Variants in PLEKHM3 observed in about 807,000 individuals in gnomAD.
The protein encoded by PLEKHM3 is pleckstrin homology domain containing M3.
In PLEKHM3, 45 loss-of-function variants were observed where a neutral mutation model predicts 81.8. That is an observed-to-expected ratio of 0.55 (90% CI 0.43 to 0.71). The LOEUF (loss-of-function observed/expected upper bound fraction) is 0.71, where lower values mean the gene tolerates loss of function less well. PLEKHM3 is among the 30% of genes least tolerant of loss of function. The pLI is 0.00. For missense variants in PLEKHM3, 788 were observed against 924.3 expected (o/e 0.85, Z 1.91); for synonymous variants, 352 against 356.4 (o/e 0.99, Z 0.14).
intron 6 of PLEKHM3, among the ~76,000 whole-genome samples, chr2:207,904,012 A>T (rs1398718166): frequency 2.6e-5 from 4 of 152,208 alleles, no homozygotes; most frequent in Admixed American, 2.0e-4. Flanking sequence ...CTAACCAAGG[A>T]AAAGCTCTTA....
At chr2:207,946,669 T>C (rs1690141835) in intron 3 of PLEKHM3, among the ~76,000 whole-genome samples, 157 bp from the exon 4 acceptor site, 1 of 152,230 alleles carries the variant, frequency 6.6e-6, no homozygotes, top group South Asian at 2.1e-4. Flanking sequence ...TACAGTTGTG[T>C]CCTCTTCTTC....
chr2:207,884,283 T>TA (rs1316728271), intron 6 of PLEKHM3, among the ~76,000 whole-genome samples: 1 of 152,066 alleles, frequency 6.6e-6, no homozygotes, highest in Non-Finnish European at 1.5e-5. Context: ...AGGAACTAGA[T>TA]ACGATGTCTG....
chr2:207,944,072 G>C (rs1690038942), intron 4 of PLEKHM3, among the ~76,000 whole-genome samples: 1 of 152,150 alleles, frequency 6.6e-6, no homozygotes, highest in Admixed American at 6.5e-5. Context: ...AATGATGTAA[G>C]TGAGGGAGAT....
In PLEKHM3 at chr2:207,976,882, C is replaced by T; in HGVS notation, c.1315G>A (p.Glu439Lys). The T allele has an allele frequency of 6.2e-7, 1 of 1,614,254 alleles. No homozygotes were observed. The highest frequency in any genetic ancestry group is 8.5e-7 in the Non-Finnish European group (1 of 1,180,048). Reference protein sequence around the residue: ...FPQDVLRLRAETRQRAQEWME... With the variant: ...FPQDVLRLRAKTRQRAQEWME... ...CATTCCTGAGCCCTCTGTCGGGTCT[C>T]AGCTCGGAGGCGAAGGACATCCTGG... Residue 439 changes from glutamate to lysine, a missense_variant, in exon 3 of 8, where the codon GAG (glutamate) becomes AAG (lysine). Glu to Lys is a moderately conservative substitution (Grantham distance 56). Transcript: ENST00000427836. This position sits in a 1 kb window ranked among gnomAD's most constrained non-coding sequence, Gnocchi z 4.1.
rs527236666 is a variant in PLEKHM3, at chr2:207,973,607, C to T, written c.1546+3044G>A. Reference sequence around the variant, plus strand: ...GTACAAAATTAGCCAGGCGTGGTGGCGCATGCCTGTAATCCCAGCTACTCA... The same window carrying T: ...GTACAAAATTAGCCAGGCGTGGTGGTGCATGCCTGTAATCCCAGCTACTCA... On this transcript the variant is annotated intron_variant, in intron 3 of 7. Coordinates refer to ENST00000427836, the MANE Select transcript of PLEKHM3 (RefSeq NM_001080475.3). Among the ~76,000 whole-genome samples the T allele has an allele frequency of 3.9e-5, 6 of 152,132 alleles. 1 individual carries two copies. In the South Asian group the frequency reaches 6.2e-4, roughly 16 times the overall value.
At chr2:207,970,495 C>G (rs768065414) in intron 3 of PLEKHM3, among the ~76,000 whole-genome samples, 40 of 152,082 alleles carry the variant, frequency 2.6e-4, no homozygotes, top group Non-Finnish European at 5.9e-5. Flanking sequence ...AGAGCAGCCC[C>G]GAGGTGCTGT....
At position 207,948,559 on chromosome 2, in the gene PLEKHM3, T is replaced by C. The variant is rs1358830747; in HGVS notation, c.1547-2047A>G. ...TCTATTTTTTTTGTTTTTTTTTTTT[T>C]TTGAGATGGAGTCTTGCTCTGTCAC... On this transcript the variant is annotated intron_variant, in intron 3 of 7. Transcript: ENST00000427836. 7.9e-4 allele frequency among the ~76,000 whole-genome samples: 118 copies of C among 150,174 alleles called. 1 individual carries two copies. In the East Asian group the frequency reaches 0.019, roughly 24 times the overall value.
intron 3 of PLEKHM3, among the ~76,000 whole-genome samples, chr2:207,973,461 A>T (rs1478921072): frequency 6.6e-6 from 1 of 152,224 alleles, no homozygotes; most frequent in African/African-American, 2.4e-5. Context: ...TCAGCCTGGC[A>T]CAGGCGGTGG....
intron 4 of PLEKHM3, among the ~76,000 whole-genome samples, chr2:207,941,451 C>T (rs1689936997): frequency 6.6e-6 from 1 of 152,118 alleles, no homozygotes; most frequent in Non-Finnish European, 1.5e-5. Context: ...TAGACCCCCT[C>T]AGGATATACA....
chr2:207,930,167 T>A (rs1441424020), intron 5 of PLEKHM3, among the ~76,000 whole-genome samples: 2 of 152,174 alleles, frequency 1.3e-5, no homozygotes. Flanking sequence ...CTAACTAAGT[T>A]ACGGGAAAGC....
intron 4 of PLEKHM3, among the ~76,000 whole-genome samples, chr2:207,937,377 G>T (rs1263318690): frequency 1.3e-5 from 2 of 152,062 alleles, no homozygotes; most frequent in African/African-American, 4.8e-5. Flanking sequence ...ACCAGCCTGG[G>T]CAACATAGCA....
intron 3 of PLEKHM3, among the ~76,000 whole-genome samples, chr2:207,970,114 T>A (rs1310448935): frequency 6.6e-6 from 1 of 152,060 alleles, no homozygotes; most frequent in African/African-American, 2.4e-5. Context: ...GTCCTACAAT[T>A]CTAATTGCCC....
intron 7 of PLEKHM3, among the ~76,000 whole-genome samples, chr2:207,855,209 AAAACCAAACC>A (rs767243095): frequency 6.6e-6 from 1 of 152,182 alleles, no homozygotes; most frequent in African/African-American, 2.4e-5. Context: ...GGAAATGCTG[AAAACCAAACC>A]AAACCAAACC....
intron 6 of PLEKHM3, among the ~76,000 whole-genome samples, chr2:207,871,881 A>G (rs1417934058): frequency 6.6e-6 from 1 of 152,238 alleles, no homozygotes; most frequent in Non-Finnish European, 1.5e-5. Flanking sequence ...GGTCAGCAGA[A>G]TTGTGCTTCT....
chr2:207,916,416 A>C (rs1434372483), intron 5 of PLEKHM3, among the ~76,000 whole-genome samples: 1 of 152,120 alleles, frequency 6.6e-6, no homozygotes, highest in African/African-American at 2.4e-5. Flanking sequence ...CTTCCCCCGC[A>C]ATGAGTTTTA....
At chr2:208,008,548 G>C (rs966438816) in intron 1 of PLEKHM3, among the ~76,000 whole-genome samples, 1 of 148,316 alleles carries the variant, frequency 6.7e-6, no homozygotes, top group African/African-American at 2.5e-5. Context: ...AATGTCCCAG[G>C]GAGTGCTGTG....
intron 2 of PLEKHM3, among the ~76,000 whole-genome samples, chr2:207,980,511 A>G (rs961311729): frequency 6.6e-6 from 1 of 152,188 alleles, no homozygotes; most frequent in African/African-American, 2.4e-5. Context: ...TAAGTGGTAC[A>G]TTAAATTGAA....
At chr2:208,010,012 T>C (rs1008871720) in intron 1 of PLEKHM3, among the ~76,000 whole-genome samples, 1 of 152,200 alleles carries the variant, frequency 6.6e-6, no homozygotes, top group African/African-American at 2.4e-5. Context: ...TCAGACCTTT[T>C]ATAGAAACCA....
chr2:207,841,890 T>C lies in PLEKHM3; in HGVS notation c.2109-13394A>G, dbSNP rs564829910. Among the ~76,000 whole-genome samples the C allele has an allele frequency of 9.2e-5, 14 of 152,302 alleles. No homozygotes were observed. In the South Asian group the frequency reaches 2.9e-3, roughly 32 times the overall value. ...TAAAACTTTGAGAAGTTAAATTCTA[T>C]ATAATTCTATATTAAATATACTAGG... On this transcript the variant is annotated intron_variant, in intron 7 of 7. Coordinates refer to ENST00000427836, the MANE Select transcript of PLEKHM3 (RefSeq NM_001080475.3).
Sources: gnomAD v4.1 joint callset for allele counts (sites outside exome capture counted in the v4.1 genomes callset) on GRCh38, gnomAD v4.1.1 for gene constraint, Gnocchi (gnomAD v3.1) non-coding constraint, MANE v1.5 for transcripts, NCBI Gene and HGNC (gene_info 2026-07-23, HGNC 2026-07-21) for gene names.